Variants in BBS9 observed in about 807,000 individuals in gnomAD.
The protein encoded by BBS9 is protein PTHB1.
Under a neutral mutation model 117.7 loss-of-function variants are expected in BBS9, and 89 were observed. That is an observed-to-expected ratio of 0.76 (90% CI 0.64 to 0.90). The LOEUF is 0.90. BBS9 is among the 40% of genes least tolerant of loss of function. BBS9 has a pLI of 0.00. For missense variants in BBS9, 982 were observed against 1,042.2 expected, an observed-to-expected ratio of 0.94 and a Z score of 0.80; for synonymous variants, 379 against 370.9, an observed-to-expected ratio of 1.02 and a Z score of -0.25.
In BBS9 at chr7:33,315,810, A is replaced by G. The variant is rs192076847; in HGVS notation, c.1017-20631A>G. On this transcript the variant is annotated intron_variant, in intron 9 of 22. Transcript: ENST00000242067. ...ATTTTATTTGTGATTTTTTTAAACCATCAGTTTTTTTATTATGGAAAAGTT... is the reference window on the plus strand; with the variant it reads ...ATTTTATTTGTGATTTTTTTAAACCGTCAGTTTTTTTATTATGGAAAAGTT... Among the ~76,000 whole-genome samples, 775 of 152,248 alleles carry G rather than the reference A, an allele frequency of 5.1e-3. 10 individuals carry two copies. Among genetic ancestry groups the G allele is most frequent in the African/African-American group, 0.018 (733 of 41,566 alleles).
intron 19 of BBS9, among the ~76,000 whole-genome samples, chr7:33,393,464 C>A (rs756857504): frequency 6.6e-6 from 1 of 152,078 alleles, no homozygotes; most frequent in Admixed American, 6.6e-5. Context: ...AACAAAGGGT[C>A]CTGTATTTTT....
intron 5 of BBS9, among the ~76,000 whole-genome samples, chr7:33,242,574 A>G (rs189029949): frequency 1.3e-5 from 2 of 152,194 alleles, no homozygotes; most frequent in South Asian, 2.1e-4. Context: ...ACTTAAAAGT[A>G]CTGCTTTGAA....
At chr7:33,527,277 C>G (rs962299333) in intron 20 of BBS9, among the ~76,000 whole-genome samples, 1 of 152,234 alleles carries the variant, frequency 6.6e-6, no homozygotes, top group Non-Finnish European at 1.5e-5. Context: ...GGGCTCCCCC[C>G]AGTTCGAGCT....
At chr7:33,348,267 T>G (rs1170227124) in intron 12 of BBS9, among the ~76,000 whole-genome samples, 1 of 152,150 alleles carries the variant, frequency 6.6e-6, no homozygotes, top group Non-Finnish European at 1.5e-5. Flanking sequence ...GTGGCTAGAT[T>G]TTTTCACTTA....
chr7:33,292,087 T>C (rs1355153529), intron 9 of BBS9, among the ~76,000 whole-genome samples: 1 of 152,174 alleles, frequency 6.6e-6, no homozygotes, highest in Non-Finnish European at 1.5e-5. Flanking sequence ...AATGAATGAA[T>C]GCATGATGAA....
chr7:33,472,557 G>A (rs1171636001), intron 19 of BBS9, among the ~76,000 whole-genome samples: 1 of 152,186 alleles, frequency 6.6e-6, no homozygotes, highest in Non-Finnish European at 1.5e-5. Flanking sequence ...TAACATGGAG[G>A]TTAGGTAGTG....
At chr7:33,440,188 A>T (rs1446820459) in intron 19 of BBS9, among the ~76,000 whole-genome samples, 1 of 152,232 alleles carries the variant, frequency 6.6e-6, no homozygotes, top group African/African-American at 2.4e-5. Context: ...GTTGGAAATA[A>T]TAAAGCTTAT....
chr7:33,629,311 T>G (rs908194028), intron 21 of BBS9, among the ~76,000 whole-genome samples: 2 of 152,174 alleles, frequency 1.3e-5, no homozygotes, highest in African/African-American at 4.8e-5. Flanking sequence ...CATGGGGGGG[T>G]TCTTGCTAAA....
chr7:33,142,576 T>G (rs558803541), intron 1 of BBS9, among the ~76,000 whole-genome samples: 1 of 152,344 alleles, frequency 6.6e-6, no homozygotes, highest in South Asian at 2.1e-4. Flanking sequence ...GTCAACACTA[T>G]ATACCTATTA....
intron 5 of BBS9, among the ~76,000 whole-genome samples, chr7:33,185,501 A>G (rs981150792): frequency 1.3e-5 from 2 of 152,192 alleles, no homozygotes; most frequent in African/African-American, 4.8e-5. Context: ...AATACTGTAT[A>G]AATTGCAAAA....
intron 21 of BBS9, among the ~76,000 whole-genome samples, chr7:33,597,511 C>G (rs1166945492): frequency 6.6e-6 from 1 of 152,094 alleles, no homozygotes; most frequent in Admixed American, 6.6e-5. Context: ...CACTCTCATC[C>G]AATACCCAGT....
intron 20 of BBS9, among the ~76,000 whole-genome samples, chr7:33,515,366 G>T (rs1302648135): frequency 1.4e-5 from 2 of 147,186 alleles, no homozygotes; most frequent in Non-Finnish European, 2.9e-5. Flanking sequence ...GCTCATCGCT[G>T]TGTTTTTCCA....
At chr7:33,542,809 A>AC (rs915628922) in intron 21 of BBS9, among the ~76,000 whole-genome samples, 1 of 148,408 alleles carries the variant, frequency 6.7e-6, no homozygotes, top group Non-Finnish European at 1.5e-5. Context: ...ACACACACAC[A>AC]CACACACACA....
intron 9 of BBS9, among the ~76,000 whole-genome samples, chr7:33,305,694 A>G (rs752361360): frequency 8.6e-5 from 13 of 152,036 alleles, no homozygotes; most frequent in South Asian, 4.1e-4. Flanking sequence ...TTATTGGCAT[A>G]TGTTGCTCAT....
chr7:33,322,355 GCTTTTTTTTTTT>G (rs754028915), intron 9 of BBS9, among the ~76,000 whole-genome samples: 9 of 101,450 alleles, frequency 8.9e-5, no homozygotes, highest in African/African-American at 3.8e-4. Context: ...TGGGTCTCAG[GCTTTTTTTTTTT>G]TTTTTTTTTT....
intron 3 of BBS9, among the ~76,000 whole-genome samples, chr7:33,154,048 G>C (rs1230448287): frequency 6.6e-6 from 1 of 152,190 alleles, no homozygotes; most frequent in East Asian, 1.9e-4. Flanking sequence ...ATTGGAAGGG[G>C]AGGAAGTTAA....
intron 1 of BBS9, among the ~76,000 whole-genome samples, chr7:33,132,296 T>C (rs947478553): frequency 6.6e-6 from 1 of 152,210 alleles, no homozygotes; most frequent in East Asian, 1.9e-4. Context: ...ATTTCTTAAC[T>C]TCTCTGTATT....
intron 9 of BBS9, among the ~76,000 whole-genome samples, chr7:33,283,356 T>G (rs1802270320): frequency 1.3e-5 from 2 of 152,198 alleles, no homozygotes; most frequent in Non-Finnish European, 2.9e-5. Context: ...TCTGACTTAT[T>G]TCTCAGTCCT....
intron 5 of BBS9, among the ~76,000 whole-genome samples, chr7:33,241,809 G>A (rs1223808708): frequency 6.6e-6 from 1 of 151,828 alleles, no homozygotes; most frequent in African/African-American, 2.4e-5. Flanking sequence ...CATTGATAAG[G>A]TCTCTTAATC....
Sources: allele counts gnomAD v4.1 joint callset (sites outside exome capture counted in the v4.1 genomes callset), GRCh38; gene constraint gnomAD v4.1.1; transcripts MANE v1.5; gene names NCBI Gene and HGNC (gene_info 2026-07-23, HGNC 2026-07-21).